Variants in SAMD12 observed in about 807,000 individuals in gnomAD.
SAMD12 encodes the protein sterile alpha motif domain containing 12.
Under a neutral mutation model 15.0 loss-of-function variants are expected in SAMD12, and 9 were observed. The ratio of observed to expected loss-of-function variants is 0.60; its 90% confidence interval spans 0.36 to 1.05. The LOEUF (loss-of-function observed/expected upper bound fraction) is 1.05, where lower values mean the gene tolerates loss of function less well. SAMD12 is among the 50% of genes least tolerant of loss of function. The pLI is 0.01. For missense variants in SAMD12, 230 were observed against 234.2 expected (o/e 0.98, Z 0.12); for synonymous variants, 86 against 90.1 (o/e 0.96, Z 0.25).
chr8:118,454,549 T>C (rs549112611), intron 2 of SAMD12, among the ~76,000 whole-genome samples: 205 of 152,340 alleles, frequency 1.3e-3, no homozygotes, highest in Non-Finnish European at 2.1e-3. Context: ...TCTGCTCTCT[T>C]TTCTAGAATG....
At chr8:118,148,157 T>C in the SAMD12 span, among the ~76,000 whole-genome samples, 1 of 152,034 alleles carries the variant, frequency 6.6e-6, no homozygotes, top group East Asian at 1.9e-4. Context: ...CTTGAACTCC[T>C]GACCTCAAGT....
intron 1 of SAMD12, among the ~76,000 whole-genome samples, chr8:118,586,131 A>G (rs1205004009): frequency 6.6e-6 from 1 of 152,172 alleles, no homozygotes; most frequent in Non-Finnish European, 1.5e-5. Flanking sequence ...GAACCCCCAC[A>G]TAGAAACTGC....
chr8:118,287,270 G>A (rs1249029402), intron 4 of SAMD12, among the ~76,000 whole-genome samples: 2 of 148,844 alleles, frequency 1.3e-5, no homozygotes, highest in East Asian at 2.0e-4. Flanking sequence ...GACTACAGGC[G>A]CCCACCACTG....
chr8:118,592,585 C>T (rs1024420686), intron 1 of SAMD12, among the ~76,000 whole-genome samples: 6 of 152,064 alleles, frequency 3.9e-5, no homozygotes, highest in Non-Finnish European at 7.4e-5. Context: ...AGTGTTTAGT[C>T]AATACATAGA....
chr8:118,551,145 G>A (rs1259219083), intron 2 of SAMD12, among the ~76,000 whole-genome samples: 3 of 152,114 alleles, frequency 2.0e-5, no homozygotes, highest in Non-Finnish European at 1.5e-5. Flanking sequence ...AGGATACCCA[G>A]GAATGGAAAT....
intron 4 of SAMD12, among the ~76,000 whole-genome samples, chr8:118,349,773 T>G (rs1391821393): frequency 6.6e-6 from 1 of 152,212 alleles, no homozygotes; most frequent in South Asian, 2.1e-4. Flanking sequence ...GTTTCCTCCC[T>G]GAGTCCTCAG....
chr8:118,294,375 C>G (rs754152204), intron 4 of SAMD12, among the ~76,000 whole-genome samples: 1 of 152,154 alleles, frequency 6.6e-6, no homozygotes, highest in Non-Finnish European at 1.5e-5. Context: ...AGGCATGCGG[C>G]GTCATCAGCA....
intron 4 of SAMD12, among the ~76,000 whole-genome samples, chr8:118,269,762 C>T (rs1813300373): frequency 6.6e-6 from 1 of 152,168 alleles, no homozygotes; most frequent in Admixed American, 6.5e-5. Flanking sequence ...ACATTCTTCT[C>T]ATCTAATTTG....
intron 4 of SAMD12, among the ~76,000 whole-genome samples, chr8:118,199,455 T>C (rs1190831055): frequency 6.6e-6 from 1 of 152,218 alleles, no homozygotes; most frequent in Non-Finnish European, 1.5e-5. Flanking sequence ...TGTACCATCC[T>C]TGAGACCTGG....
intron 4 of SAMD12, among the ~76,000 whole-genome samples, chr8:118,255,321 G>A (rs897121717): frequency 1.3e-5 from 2 of 151,676 alleles, no homozygotes; most frequent in African/African-American, 4.8e-5. Context: ...ATTCTTCTGG[G>A]GACAGCTGCT....
At chr8:118,168,343 CCT>C in the SAMD12 span, among the ~76,000 whole-genome samples, 8 of 152,154 alleles carry the variant, frequency 5.3e-5, no homozygotes, top group African/African-American at 1.9e-4. Context: ...CAACCTGTGT[CCT>C]CTCTTTCCAC....
At chr8:118,516,452 G>T (rs1203388902) in intron 2 of SAMD12, among the ~76,000 whole-genome samples, 1 of 152,106 alleles carries the variant, frequency 6.6e-6, no homozygotes, top group Non-Finnish European at 1.5e-5. Context: ...AAACCTAGGA[G>T]CTCTGGGAAT....
chr8:118,161,437 G>C, the SAMD12 span, among the ~76,000 whole-genome samples: 39,338 of 151,724 alleles, frequency 0.26, 5,232 homozygotes, highest in Admixed American at 0.31. Context: ...AAAATTAGCT[G>C]GGTGTGGTGG....
At chr8:118,487,158 G>A (rs1368377816) in intron 2 of SAMD12, among the ~76,000 whole-genome samples, 1 of 152,154 alleles carries the variant, frequency 6.6e-6, no homozygotes, top group Admixed American at 6.5e-5. Flanking sequence ...GCGGGGCTAG[G>A]ACATGGTCAG....
intron 2 of SAMD12, among the ~76,000 whole-genome samples, chr8:118,448,642 T>C (rs926075982): frequency 2.6e-5 from 4 of 152,190 alleles, no homozygotes; most frequent in African/African-American, 9.6e-5. Flanking sequence ...TCTCCTATAT[T>C]GAGCCAAAAA....
chr8:118,165,684 A>G, the SAMD12 span, among the ~76,000 whole-genome samples: 1 of 141,616 alleles, frequency 7.1e-6, no homozygotes, highest in Non-Finnish European at 1.6e-5. Flanking sequence ...ATAGTGGCAT[A>G]GCAGTGAAAA....
chr8:118,180,697 C>T, the SAMD12 span, among the ~76,000 whole-genome samples: 7 of 152,238 alleles, frequency 4.6e-5, no homozygotes, highest in South Asian at 2.1e-4. Context: ...CTCCGCCTCC[C>T]GAGTAGCTGG....
chr8:118,187,340 T>C (rs998223755), downstream of SAMD12, among the ~76,000 whole-genome samples: 29 of 152,176 alleles, frequency 1.9e-4, no homozygotes, highest in African/African-American at 7.0e-4. Flanking sequence ...TCTATATGCC[T>C]TATAAATAGA....
chr8:118,246,874 G>A (rs895526898), intron 4 of SAMD12, among the ~76,000 whole-genome samples: 29 of 152,034 alleles, frequency 1.9e-4, no homozygotes, highest in African/African-American at 6.0e-4. Flanking sequence ...CAGAAACTAC[G>A]TTCATGAGAA....
Sources: allele counts gnomAD v4.1 joint callset (sites outside exome capture counted in the v4.1 genomes callset), GRCh38; gene constraint gnomAD v4.1.1; transcripts MANE v1.5; gene names NCBI Gene and HGNC (gene_info 2026-07-23, HGNC 2026-07-21).